Variants in C8orf34 observed in about 807,000 individuals in gnomAD.
C8orf34 encodes the protein chromosome 8 open reading frame 34.
Under a neutral mutation model 68.3 loss-of-function variants are expected in C8orf34, and 65 were observed. The ratio of observed to expected loss-of-function variants is 0.95; its 90% CI spans 0.78 to 1.17. The LOEUF (loss-of-function observed/expected upper bound fraction) is 1.17. Among genes scored for constraint, C8orf34 ranks in the 50% most tolerant of loss-of-function variants. The pLI is 0.00. For missense variants in C8orf34, 664 were observed against 655.4 expected, an observed-to-expected ratio of 1.01 and a Z score of -0.14; for synonymous variants, 244 against 241.2, an observed-to-expected ratio of 1.01 and a Z score of -0.11.
chr8:68,393,709 G>A (rs760232168), intron 1 of C8orf34, among the ~76,000 whole-genome samples: 4 of 152,112 alleles, frequency 2.6e-5, no homozygotes, highest in Non-Finnish European at 4.4e-5. Context: ...AGTTCATGCA[G>A]GTCCATATAA....
At chr8:68,634,457 G>A (rs2130710863) in intron 7 of C8orf34, among the ~76,000 whole-genome samples, 1 of 152,236 alleles carries the variant, frequency 6.6e-6, no homozygotes, top group South Asian at 2.1e-4. Flanking sequence ...AAAGTCCTTA[G>A]ACAGAATCTT....
rs559999661 is a variant in C8orf34, at chr8:68,519,343, G to A, written c.766-2456G>A. Among the ~76,000 whole-genome samples the A allele has an allele frequency of 9.5e-4, 144 of 152,216 alleles. 1 individual carries two copies. The highest frequency in any genetic ancestry group is 8.3e-3 in the South Asian group (40 of 4,822). On this transcript the variant is annotated intron_variant, in intron 5 of 13. Transcript: ENST00000518698. Reference sequence around the variant, plus strand: ...TTATGAAAATTAAAATACAAATTTCGTATACATATGTGTGTATATATAATC... The same window carrying A: ...TTATGAAAATTAAAATACAAATTTCATATACATATGTGTGTATATATAATC...
intron 10 of C8orf34, among the ~76,000 whole-genome samples, chr8:68,767,664 C>T (rs1823220075): frequency 6.6e-6 from 1 of 152,176 alleles, no homozygotes. Flanking sequence ...GAAATGGGAT[C>T]TCACTGTTAT....
intron 8 of C8orf34, among the ~76,000 whole-genome samples, chr8:68,667,226 G>A (rs545903651): frequency 2.0e-5 from 3 of 152,150 alleles, no homozygotes; most frequent in African/African-American, 4.8e-5. Flanking sequence ...ATTACTTAAT[G>A]TTTATCAAAT....
chr8:68,373,414 C>T (rs1186857612), intron 1 of C8orf34, among the ~76,000 whole-genome samples: 1 of 152,168 alleles, frequency 6.6e-6, no homozygotes, highest in African/African-American at 2.4e-5. Flanking sequence ...GAATTCTCTC[C>T]AAAGCATTTT....
intron 8 of C8orf34, among the ~76,000 whole-genome samples, chr8:68,684,492 T>C (rs571186475): frequency 8.5e-5 from 13 of 152,262 alleles, no homozygotes; most frequent in Non-Finnish European, 1.5e-4. Context: ...AGACAAGCCA[T>C]TTAGATAGCT....
At chr8:68,460,070 T>A (rs879926397) in intron 3 of C8orf34, among the ~76,000 whole-genome samples, 2 of 151,972 alleles carry the variant, frequency 1.3e-5, no homozygotes, top group Non-Finnish European at 1.5e-5. Context: ...ACCTGGAAAA[T>A]CGGGTCACTC....
intron 7 of C8orf34, among the ~76,000 whole-genome samples, chr8:68,620,223 G>A (rs555503103): frequency 3.3e-5 from 5 of 152,276 alleles, no homozygotes; most frequent in South Asian, 4.1e-4. Flanking sequence ...TGCTCTGAGC[G>A]GGACCTGGAG....
At chr8:68,575,352 G>C (rs1816870947) in intron 7 of C8orf34, among the ~76,000 whole-genome samples, 1 of 151,862 alleles carries the variant, frequency 6.6e-6, no homozygotes, top group Admixed American at 6.6e-5. Flanking sequence ...TTTTTGTCAG[G>C]CTGTTATTCT....
chr8:68,369,248 C>G (rs1807449515), intron 1 of C8orf34, among the ~76,000 whole-genome samples: 1 of 152,186 alleles, frequency 6.6e-6, no homozygotes, highest in African/African-American at 2.4e-5. Flanking sequence ...TATTCACTGC[C>G]CGTAAATCAC....
chr8:68,400,593 C>T (rs1808908133), intron 1 of C8orf34, among the ~76,000 whole-genome samples: 1 of 152,072 alleles, frequency 6.6e-6, no homozygotes, highest in Non-Finnish European at 1.5e-5. Flanking sequence ...CAGAATCTTG[C>T]TCTGTCATCT....
intron 7 of C8orf34, among the ~76,000 whole-genome samples, chr8:68,630,083 GTTTAT>G (rs1401719701): frequency 6.6e-6 from 1 of 151,794 alleles, no homozygotes; most frequent in Non-Finnish European, 1.5e-5. Context: ...ACATAGGAGA[GTTTAT>G]TTTAAAATAT....
chr8:68,460,683 G>A (rs567203858), intron 3 of C8orf34, among the ~76,000 whole-genome samples: 163 of 152,272 alleles, frequency 1.1e-3, no homozygotes, highest in Non-Finnish European at 1.6e-3. Context: ...AGGCAAACAG[G>A]GTCTGGAGTG....
At chr8:68,727,461 A>T (rs950134334) in intron 10 of C8orf34, among the ~76,000 whole-genome samples, 4 of 152,126 alleles carry the variant, frequency 2.6e-5, no homozygotes, top group African/African-American at 9.7e-5. Context: ...CCATGCTCGG[A>T]TCTGGAGGAC....
intron 7 of C8orf34, among the ~76,000 whole-genome samples, chr8:68,594,687 T>G (rs1817491271): frequency 1.3e-5 from 2 of 152,124 alleles, no homozygotes; most frequent in Admixed American, 6.6e-5. Flanking sequence ...ATTTTTCTGT[T>G]TTATATTTAT....
chr8:68,409,155 A>T (rs888775036), intron 1 of C8orf34, among the ~76,000 whole-genome samples: 14 of 152,376 alleles, frequency 9.2e-5, no homozygotes, highest in Admixed American at 4.6e-4. Context: ...GATAATGATC[A>T]TAAATGGCTA....
intron 8 of C8orf34, among the ~76,000 whole-genome samples, chr8:68,646,317 A>G (rs1819170597): frequency 6.6e-6 from 1 of 151,878 alleles, no homozygotes; most frequent in African/African-American, 2.4e-5. Flanking sequence ...TTAAAATTTA[A>G]TTTAAAAAAT....
chr8:68,679,649 A>C (rs1820303558), intron 8 of C8orf34, among the ~76,000 whole-genome samples: 1 of 152,192 alleles, frequency 6.6e-6, no homozygotes, highest in African/African-American at 2.4e-5. Flanking sequence ...AAGTGGAAGA[A>C]TCATATTACC....
chr8:68,619,632 G>A (rs1818329625), intron 7 of C8orf34, among the ~76,000 whole-genome samples: 1 of 152,210 alleles, frequency 6.6e-6, no homozygotes, highest in South Asian at 2.1e-4. Flanking sequence ...TTACTTACTG[G>A]TCAGTTTTAT....
Sources: allele counts gnomAD v4.1 joint callset (sites outside exome capture counted in the v4.1 genomes callset), GRCh38; gene constraint gnomAD v4.1.1; transcripts MANE v1.5; gene names NCBI Gene and HGNC (gene_info 2026-07-23, HGNC 2026-07-21).